FMNL3: variants seen among roughly 807,000 people sequenced by gnomAD.
The protein encoded by FMNL3 is formin-like protein 3.
Under a neutral mutation model 119.6 loss-of-function variants are expected in FMNL3, and 57 were observed. That is an observed-to-expected ratio of 0.48 (90% CI 0.39 to 0.59). FMNL3 has a LOEUF of 0.59. Ranked by LOEUF, FMNL3 falls within the 20% of genes least tolerant of loss-of-function variation. The pLI is 0.00. For missense variants in FMNL3, 1,053 were observed against 1,323.5 expected (o/e 0.80, Z 3.17); for synonymous variants, 491 against 507.3 (o/e 0.97, Z 0.43).
At position 49,656,870 on chromosome 12, in the gene FMNL3, G is replaced by C. The variant is rs1260046956; in HGVS notation, c.744C>G (p.Pro248=). 2 of 1,613,986 alleles carry C rather than the reference G, an allele frequency of 1.2e-6. No homozygotes were observed. Among genetic ancestry groups the C allele is most frequent in the Non-Finnish European group, 1.7e-6 (2 of 1,179,998 alleles). ...TAAGTGCAATCTCATTGACAGCATG[G>C]GGGTGGGACATGACCAGGTTGAATC... The part of the protein sequence containing the change: ...QYGFNLVMSH[P]HAVNEIALSL... Residue 248 remains proline, a synonymous_variant, in exon 8 of 26, where the codon CCC becomes CCG. Transcript: ENST00000335154.
In FMNL3 at chr12:49,645,706, T is replaced by C. The variant is rs1267855684; in HGVS notation, c.*109A>G. 2.0e-5 allele frequency: 18 copies of C among 898,182 alleles called. No individual in the cohort carries two copies. The highest frequency in any genetic ancestry group is 9.4e-5 in the Admixed American group (3 of 32,082). The allele number at this position is 898,182 out of a possible 1,614,324, so 55.6% of individuals were successfully genotyped here. A position where few individuals can be genotyped will look rare whatever the true frequency, so the allele number is the denominator to read the frequency against. On this transcript the variant is annotated 3_prime_UTR_variant, in exon 26 of 26. Coordinates refer to ENST00000335154, the MANE Select transcript of FMNL3 (RefSeq NM_175736.5). ...CCAGCCTCAAGAGCTGGGGCGGACA[T>C]GGTTGAGAGAGCAACACAGCCCTCT...
chr12:49,663,069 C>T (rs1943784545), intron 4 of FMNL3, among the ~76,000 whole-genome samples: 1 of 152,186 alleles, frequency 6.6e-6, no homozygotes, highest in African/African-American at 2.4e-5. Context: ...GCTACAACAC[C>T]AGGCCCAGCT....
chr12:49,656,944 G>A (rs1321991659), intron 7 of FMNL3, 45 bp from the exon 8 acceptor site: 1 of 1,568,090 alleles, frequency 6.4e-7, no homozygotes, highest in South Asian at 1.1e-5. Flanking sequence ...TGGTGGGGAA[G>A]GGGGAGCCCA....
intron 1 of FMNL3, among the ~76,000 whole-genome samples, chr12:49,693,017 C>T (rs1031300587): frequency 5.9e-5 from 9 of 152,124 alleles, no homozygotes; most frequent in African/African-American, 1.4e-4. Context: ...TGTGGAACTT[C>T]GTAAACAGGA....
rs749836071 is a variant in FMNL3 at position 49,707,209 on chromosome 12, C to T, written c.-29G>A. On this transcript the variant is annotated 5_prime_UTR_variant, in exon 1 of 26. Coordinates refer to ENST00000335154, the MANE Select transcript of FMNL3 (RefSeq NM_175736.5). ...GGCGGGGCCCCCTCAGGGGCCTCGGCCCCCCACCTCCACGCTCCGGAGCTT... is the reference window on the plus strand; with the variant it reads ...GGCGGGGCCCCCTCAGGGGCCTCGGTCCCCCACCTCCACGCTCCGGAGCTT... 6.8e-6 allele frequency: 10 copies of T among 1,470,396 alleles called. No individual in the cohort carries two copies. The highest frequency in any genetic ancestry group is 8.9e-6 in the Non-Finnish European group (10 of 1,119,562). 91.1% of individuals were successfully genotyped at this position (1,470,396 alleles called of 1,614,324 possible).
intron 4 of FMNL3, among the ~76,000 whole-genome samples, chr12:49,665,078 TTC>T (rs150114444): frequency 2.7e-4 from 41 of 150,640 alleles, no homozygotes; most frequent in South Asian, 1.1e-3. Context: ...TATACACACT[TTC>T]TCTCTCTCTC....
chr12:49,661,669 T>C (rs1376235158), intron 5 of FMNL3: 14 of 359,742 alleles, frequency 3.9e-5, no homozygotes, highest in African/African-American at 2.9e-4. Flanking sequence ...CCTGGATTGC[T>C]CACAGCTTGG....
intron 4 of FMNL3, among the ~76,000 whole-genome samples, chr12:49,663,536 G>A (rs1943799753): frequency 6.6e-6 from 1 of 152,208 alleles, no homozygotes; most frequent in Non-Finnish European, 1.5e-5. Context: ...AAGGATCTTG[G>A]TCCTTCCACA....
chr12:49,652,242 A>G, intron 13 of FMNL3, 30 bp from the exon 14 acceptor site: 1 of 1,598,224 alleles, frequency 6.3e-7, no homozygotes, highest in South Asian at 1.1e-5. Flanking sequence ...ATTAAGGGAA[A>G]AGTGGGCTGA....
chr12:49,656,723 C>A, intron 8 of FMNL3, 100 bp downstream of exon 8: 1 of 1,204,188 alleles, frequency 8.3e-7, no homozygotes, highest in African/African-American at 1.5e-5. Context: ...AGGCTCTTGA[C>A]AGGACTCCAA....
At chr12:49,699,481 C>T (rs1197347110) in intron 1 of FMNL3, among the ~76,000 whole-genome samples, 1 of 152,124 alleles carries the variant, frequency 6.6e-6, no homozygotes, top group African/African-American at 2.4e-5. Flanking sequence ...GTGTGGCTGC[C>T]ACCTGGACTG....
In FMNL3 at chr12:49,654,140, G is replaced by A. The variant is rs114573147; in HGVS notation, c.1071+52C>T. 196 of 1,528,384 alleles carry A rather than the reference G, an allele frequency of 1.3e-4. No individual in the cohort carries two copies. The African/African-American group carries it at 2.3e-3, about 18-fold the overall frequency. 94.7% of individuals were successfully genotyped at this position (1,528,384 alleles called of 1,614,324 possible). ...ATAAAAGAAAAATCATTTGTGATAC[G>A]GCTAAACTGATCCCAAAGCACCTCA... On this transcript the variant is annotated intron_variant, in intron 11 of 25. Transcript: ENST00000335154.
Position 49,645,787 on chromosome 12 carries a change from G to C in FMNL3, c.*28C>G. ...GGTTGGACTTGTAGGACTCTGAGGG[G>C]TGAAGTGCTTCTGCCTCCGAGAGGG... On this transcript the variant is annotated 3_prime_UTR_variant, in exon 26 of 26. Coordinates refer to ENST00000335154, the MANE Select transcript of FMNL3 (RefSeq NM_175736.5). 6.3e-7 allele frequency: 1 copy of C among 1,581,802 alleles called. No homozygotes were observed. The highest frequency in any genetic ancestry group is 2.3e-5 in the East Asian group (1 of 43,476).
At chr12:49,686,329 C>G (rs1336766076) in intron 1 of FMNL3, among the ~76,000 whole-genome samples, 1 of 151,054 alleles carries the variant, frequency 6.6e-6, no homozygotes, top group African/African-American at 2.4e-5. Context: ...CACCTGTAAT[C>G]CCAGCACTTT....
At position 49,648,318 on chromosome 12, in the gene FMNL3, G is replaced by A; in HGVS notation, c.2551C>T (p.Leu851=). 2 of 1,613,276 alleles carry A rather than the reference G, an allele frequency of 1.2e-6. No homozygotes were observed. The highest frequency in any genetic ancestry group is 1.7e-6 in the Non-Finnish European group (2 of 1,179,562). Residue 851 remains leucine, a synonymous_variant, in exon 22 of 26, where the codon CTG becomes TTG. Transcript: ENST00000335154. The part of the protein sequence containing the change: ...LENVLLDVKE[L]GRGMELIRRE... ...CGAATCAGCTCCATGCCCCGGCCCA[G>A]CTCCTTCACGTCCAGCAGCACGTTC...
At chr12:49,699,828 A>G (rs1944852852) in intron 1 of FMNL3, among the ~76,000 whole-genome samples, 1 of 152,260 alleles carries the variant, frequency 6.6e-6, no homozygotes, top group Non-Finnish European at 1.5e-5. Context: ...ACAAGATACC[A>G]TGTCTAATTA....
chr12:49,647,165 C>T lies in FMNL3; in HGVS notation c.2871+111G>A. ...TCCCTCTGGATGCCAGCCCACTGGC[C>T]CTCTGGGTGGTCTGTCCACTCCAAG... On this transcript the variant is annotated intron_variant, in intron 24 of 25. Coordinates refer to ENST00000335154, the MANE Select transcript of FMNL3 (RefSeq NM_175736.5). This position sits in a 1 kb window ranked among gnomAD's most constrained non-coding sequence, Gnocchi z 4.9. 1 of 1,546,354 alleles carries T rather than the reference C, an allele frequency of 6.5e-7. No individual in the cohort carries two copies. Among genetic ancestry groups the T allele is most frequent in the East Asian group, 2.3e-5 (1 of 44,408 alleles).
intron 11 of FMNL3, 75 bp downstream of exon 11, chr12:49,654,117 A>G (rs1246674393): frequency 1.4e-6 from 2 of 1,422,662 alleles, no homozygotes; most frequent in East Asian, 2.3e-5. Flanking sequence ...AGGCACTTAT[A>G]AAAGAAAAAT....
chr12:49,657,658 T>C (rs958225693), intron 6 of FMNL3, among the ~76,000 whole-genome samples: 2 of 152,156 alleles, frequency 1.3e-5, no homozygotes, highest in African/African-American at 4.8e-5. Context: ...CAGGGCTATG[T>C]CTGGCTTTGC....
Sources: gnomAD v4.1 joint callset for allele counts (sites outside exome capture counted in the v4.1 genomes callset) on GRCh38, gnomAD v4.1.1 for gene constraint, Gnocchi (gnomAD v3.1) non-coding constraint, MANE v1.5 for transcripts, NCBI Gene and HGNC (gene_info 2026-07-23, HGNC 2026-07-21) for gene names.